SPAG17: variants seen among roughly 807,000 people sequenced by gnomAD.
SPAG17 encodes sperm-associated antigen 17.
Under a neutral mutation model 273.6 loss-of-function variants are expected in SPAG17, and 169 were observed. That is an observed-to-expected ratio of 0.62 (90% CI 0.55 to 0.70). The LOEUF (loss-of-function observed/expected upper bound fraction) is 0.70, where lower values mean the gene tolerates loss of function less well. Among genes scored for constraint, SPAG17 ranks in the 30% least tolerant of loss-of-function variants. The pLI, the probability that SPAG17 is intolerant of heterozygous loss-of-function variation, is 0.00. For synonymous variants in SPAG17, 825 were observed against 873.2 expected (o/e 0.94, Z 0.97); for missense variants, 2,557 against 2,627.8 (o/e 0.97, Z 0.59).
intron 1 of SPAG17, among the ~76,000 whole-genome samples, chr1:118,171,920 G>A (rs759367130): frequency 3.9e-5 from 6 of 152,208 alleles, no homozygotes; most frequent in Non-Finnish European, 5.9e-5. Context: ...CTTTGGACCC[G>A]ATCTTGAAAC....
intron 4 of SPAG17, among the ~76,000 whole-genome samples, chr1:118,104,461 A>C (rs562048314): frequency 7.9e-5 from 12 of 152,240 alleles, no homozygotes; most frequent in Non-Finnish European, 1.3e-4. Flanking sequence ...TCTCCCTAGA[A>C]GAGAAATTTG....
chr1:118,129,372 T>C (rs1657925630), intron 3 of SPAG17, among the ~76,000 whole-genome samples: 1 of 152,242 alleles, frequency 6.6e-6, no homozygotes, highest in Non-Finnish European at 1.5e-5. Context: ...CAGTATCACC[T>C]GACAATTTGT....
intron 10 of SPAG17, among the ~76,000 whole-genome samples, chr1:118,089,680 G>A (rs997200594): frequency 2.6e-5 from 4 of 152,148 alleles, no homozygotes; most frequent in African/African-American, 7.2e-5. Flanking sequence ...ATACTTTTCT[G>A]TGCAGATTCA....
At chr1:118,008,866 C>T (rs1173423036) in intron 30 of SPAG17, among the ~76,000 whole-genome samples, 1 of 152,020 alleles carries the variant, frequency 6.6e-6, no homozygotes, top group Non-Finnish European at 1.5e-5. Context: ...GTATGACTCC[C>T]CTTAACAACC....
At position 118,025,495 on chromosome 1, in the gene SPAG17, T is replaced by TTTTTC. The variant is rs1287550308; in HGVS notation, c.3731-84_3731-80dup. The TTTTTC allele has an allele frequency of 1.5e-5, 17 of 1,117,540 alleles. No individual in the cohort carries two copies. In the East Asian group the frequency reaches 3.7e-4, roughly 25 times the overall value. 69.2% of individuals were successfully genotyped at this position (1,117,540 alleles called of 1,614,324 possible). On this transcript the variant is annotated intron_variant, in intron 26 of 48. Transcript: ENST00000336338. ...TTTATCATCTTGCTTAATTATTTTC[T>TTTTTC]TTTTCTTTTCTTTTCTTTATTTTAA...
chr1:118,086,695 G>T lies in SPAG17; in HGVS notation c.1587C>A (p.His529Gln). The change falls in exon 12 of 49, where the codon CAC (histidine) becomes CAA (glutamine). Residue 529 changes from histidine to glutamine, a missense_variant. Coordinates refer to ENST00000336338, the MANE Select transcript of SPAG17 (RefSeq NM_206996.4). ...CCTGTAGTGCGTACTTCTTGTGGGC[G>T]TGTGCATCATGATAGTTCAGTAGGA... is the stretch of plus-strand genomic sequence containing the variant. ...GPLLLNYHDA[H>Q]AHKKYALQDQ... 6.2e-7 allele frequency: 1 copy of T among 1,614,100 alleles called. No homozygotes were observed. The highest frequency in any genetic ancestry group is 8.5e-7 in the Non-Finnish European group (1 of 1,180,000).
At chr1:118,093,851 C>T (rs1462729222) in intron 7 of SPAG17, among the ~76,000 whole-genome samples, 1 of 152,184 alleles carries the variant, frequency 6.6e-6, no homozygotes, top group Non-Finnish European at 1.5e-5. Flanking sequence ...TTCACCTGTT[C>T]TACCTCTACA....
intron 32 of SPAG17, among the ~76,000 whole-genome samples, chr1:118,002,681 G>C (rs1658430500): frequency 6.6e-6 from 1 of 151,968 alleles, no homozygotes; most frequent in African/African-American, 2.4e-5. Flanking sequence ...TTGCTTGGTA[G>C]ATCTTCCTCT....
chr1:118,128,592 A>T (rs551581990), intron 3 of SPAG17, among the ~76,000 whole-genome samples: 7 of 152,282 alleles, frequency 4.6e-5, no homozygotes, highest in African/African-American at 1.7e-4. Context: ...TTTCCTAAAA[A>T]TCCTGCTTTC....
At chr1:117,987,712 C>T in intron 40 of SPAG17, 122 bp downstream of exon 40, 1 of 931,786 alleles carries the variant, frequency 1.1e-6, no homozygotes, top group South Asian at 1.6e-5. Context: ...ACTTGGTAGA[C>T]ATGTTGCAGA....
chr1:118,145,633 G>A (rs990984252), intron 3 of SPAG17, among the ~76,000 whole-genome samples: 11 of 151,728 alleles, frequency 7.2e-5, no homozygotes, highest in African/African-American at 2.7e-4. Flanking sequence ...AAGGCCCGTA[G>A]AAATATTTTA....
rs554570012 is a variant in SPAG17, at chr1:118,150,295, T to G, written c.315+248A>C. 11 of 287,498 alleles carry G rather than the reference T, an allele frequency of 3.8e-5. No individual in the cohort carries two copies. In the East Asian group the frequency reaches 8.2e-4, roughly 21 times the overall value. The allele number at this position is 287,498 out of a possible 1,614,324, so 17.8% of individuals were successfully genotyped here. ...GTTTCTGATTTATATTTTTCAATTATTTCAATTAGATGCAATGATGGTATA... is the reference window on the plus strand; with the variant it reads ...GTTTCTGATTTATATTTTTCAATTAGTTCAATTAGATGCAATGATGGTATA... On this transcript the variant is annotated intron_variant, in intron 3 of 48. Transcript: ENST00000336338.
chr1:118,051,771 CATA>C (rs1651048704), intron 20 of SPAG17, among the ~76,000 whole-genome samples: 2 of 140,808 alleles, frequency 1.4e-5, no homozygotes, highest in East Asian at 2.1e-4. Context: ...TATAATATAA[CATA>C]ATACTATTAT....
At position 118,042,057 on chromosome 1, in the gene SPAG17, A is replaced by G. The variant is rs1240241326; in HGVS notation, c.2815-15T>C. The stretch of plus-strand genomic sequence containing the variant: ...TCTTTCCATGCCTGTAAACACATTT[A>G]AGAAATTTAACAGGATTTTTAAACG... On this transcript the variant is annotated splice_polypyrimidine_tract_variant and intron_variant, in intron 20 of 48. Coordinates refer to ENST00000336338, the MANE Select transcript of SPAG17 (RefSeq NM_206996.4). 1 of 1,592,942 alleles carries G rather than the reference A, an allele frequency of 6.3e-7. No homozygotes were observed. Among genetic ancestry groups the G allele is most frequent in the Non-Finnish European group, 8.5e-7 (1 of 1,174,752 alleles).
chr1:118,031,825 G>C lies in SPAG17; in HGVS notation c.3476C>G (p.Ser1159Ter). Residue 1159 changes from serine to a stop codon, truncating the protein, a stop_gained, in exon 25 of 49, where the codon TCA becomes TGA. Transcript: ENST00000336338. LOFTEE classifies it high-confidence loss of function. ...PDLETILNIP[S>*]ALTPTVVPVI... ...AGGAACCACTGTTGGAGTGAGTGCT[G>C]AAGGGATATTCAATATTGTTTCTAA... 6.2e-7 allele frequency: 1 copy of C among 1,612,326 alleles called. No homozygotes were observed. Among genetic ancestry groups the C allele is most frequent in the Non-Finnish European group, 8.5e-7 (1 of 1,179,008 alleles).
intron 1 of SPAG17, among the ~76,000 whole-genome samples, chr1:118,176,760 C>A (rs1286788737): frequency 6.6e-6 from 1 of 152,188 alleles, no homozygotes; most frequent in Non-Finnish European, 1.5e-5. Context: ...TTCTTTTCAG[C>A]AGCACACAGA....
At chr1:118,005,883 T>A (rs761566563) in intron 31 of SPAG17, among the ~76,000 whole-genome samples, 27 of 152,206 alleles carry the variant, frequency 1.8e-4, no homozygotes, top group Non-Finnish European at 3.7e-4. Context: ...TTATTTCTAA[T>A]ATTTAACATA....
At chr1:117,955,104 C>G in intron 48 of SPAG17, 1 of 457,046 alleles carries the variant, frequency 2.2e-6, no homozygotes, top group South Asian at 5.2e-5. Flanking sequence ...GATAAGGAAT[C>G]TGGCTTGACT....
chr1:118,122,085 A>G (rs546261509), intron 3 of SPAG17, among the ~76,000 whole-genome samples: 81 of 152,148 alleles, frequency 5.3e-4, no homozygotes, highest in Non-Finnish European at 9.3e-4. Context: ...TTTATCTTAC[A>G]TCTTGTTATA....
Sources: gnomAD v4.1 joint callset for allele counts (sites outside exome capture counted in the v4.1 genomes callset) on GRCh38, gnomAD v4.1.1 for gene constraint, MANE v1.5 for transcripts, NCBI Gene and HGNC (gene_info 2026-07-23, HGNC 2026-07-21) for gene names.